AKR1C4: variants seen among roughly 807,000 people sequenced by gnomAD.
AKR1C4 encodes the protein 3-alpha-HSD1.
Under a neutral mutation model 41.0 loss-of-function variants are expected in AKR1C4, and 44 were observed. The observed-to-expected ratio is 1.07, with a 90% confidence interval of 0.84 to 1.38. AKR1C4 has a LOEUF of 1.38. Ranked by LOEUF, AKR1C4 falls within the 40% of genes most tolerant of loss-of-function variation. The pLI, the probability that AKR1C4 is intolerant of heterozygous loss-of-function variation, is 0.00. For missense variants in AKR1C4, 438 were observed against 387.9 expected (o/e 1.13, Z -1.09); for synonymous variants, 165 against 137.7 (o/e 1.20, Z -1.39).
intron 1 of AKR1C4, among the ~76,000 whole-genome samples, chr10:5,198,474 G>A (rs1588334536): frequency 1.3e-5 from 2 of 152,160 alleles, no homozygotes; most frequent in African/African-American, 4.8e-5. Flanking sequence ...CGGAAGTTTG[G>A]TGTGTGCTAT....
chr10:5,209,583 T>C (rs1285535444), intron 5 of AKR1C4, among the ~76,000 whole-genome samples: 1 of 152,164 alleles, frequency 6.6e-6, no homozygotes, highest in Admixed American at 6.5e-5. Flanking sequence ...GACTTATAGT[T>C]CCAATATGGC....
At chr10:5,199,748 G>A (rs1832367639) in intron 1 of AKR1C4, among the ~76,000 whole-genome samples, 1 of 152,110 alleles carries the variant, frequency 6.6e-6, no homozygotes, top group African/African-American at 2.4e-5. Flanking sequence ...TTCCCCCCAA[G>A]CTACCTCCAC....
chr10:5,209,735 C>G (rs1173055862), intron 5 of AKR1C4, among the ~76,000 whole-genome samples: 6 of 152,152 alleles, frequency 3.9e-5, no homozygotes, highest in Admixed American at 2.0e-4. Context: ...TTCACTATCT[C>G]AAGGACATCA....
rs550050236 is a variant in AKR1C4, at chr10:5,199,844, G to A, written c.85-337G>A. Among the ~76,000 whole-genome samples the A allele has an allele frequency of 7.2e-4, 109 of 152,322 alleles. 2 individuals carry two copies. The highest frequency in any genetic ancestry group is 2.5e-3 in the African/African-American group (105 of 41,576). ...AAAGCAAGAACTCAGGATACAGAAAGCCCTCTGTCCTTGCCATAAGGTAGA... is the reference window on the plus strand; with the variant it reads ...AAAGCAAGAACTCAGGATACAGAAAACCCTCTGTCCTTGCCATAAGGTAGA... On this transcript the variant is annotated intron_variant, in intron 1 of 8. Transcript: ENST00000263126.
chr10:5,205,674 T>C lies in AKR1C4; in HGVS notation c.370-83T>C, dbSNP rs1432734230. 6.6e-6 allele frequency: 8 copies of C among 1,219,644 alleles called. No individual in the cohort carries two copies. The African/African-American group carries it at 1.2e-4, about 19-fold the overall frequency. 75.6% of individuals were successfully genotyped at this position (1,219,644 alleles called of 1,614,324 possible). On this transcript the variant is annotated intron_variant, in intron 3 of 8. Transcript: ENST00000263126. ...ATTTCAGCACCTACCTCACGGTGGA[T>C]TATTATCCTAAAATGTACATGGGAG...
chr10:5,211,635 G>C (rs1832577398), intron 5 of AKR1C4, among the ~76,000 whole-genome samples: 1 of 152,142 alleles, frequency 6.6e-6, no homozygotes, highest in African/African-American at 2.4e-5. Context: ...ATACTTTTCT[G>C]TCTTCTCCTG....
intron 7 of AKR1C4, among the ~76,000 whole-genome samples, chr10:5,216,348 T>G (rs1287984700): frequency 2.0e-5 from 3 of 152,184 alleles, no homozygotes; most frequent in African/African-American, 7.2e-5. Flanking sequence ...AGGGGACAAA[T>G]ATCCAAATTG....
At chr10:5,207,011 C>A (rs1248549725) in intron 5 of AKR1C4, among the ~76,000 whole-genome samples, 1 of 152,110 alleles carries the variant, frequency 6.6e-6, no homozygotes, top group African/African-American at 2.4e-5. Context: ...CGTGCTACCC[C>A]CACCCCTGCC....
chr10:5,218,198 A>G (rs977359472), intron 8 of AKR1C4, among the ~76,000 whole-genome samples: 1 of 152,232 alleles, frequency 6.6e-6, no homozygotes, highest in South Asian at 2.1e-4. Context: ...ATGGAACCCC[A>G]TATCACATAT....
intron 5 of AKR1C4, among the ~76,000 whole-genome samples, chr10:5,208,741 ATC>A (rs1162565972): frequency 2.0e-5 from 3 of 151,436 alleles, no homozygotes; most frequent in East Asian, 1.9e-4. Context: ...TTATTGAAAG[ATC>A]TCTTATACCT....
At chr10:5,204,936 T>A (rs1345045350) in intron 3 of AKR1C4, among the ~76,000 whole-genome samples, 2 of 152,182 alleles carry the variant, frequency 1.3e-5, no homozygotes, top group Admixed American at 6.5e-5. Flanking sequence ...AAGGAAACCA[T>A]AATAGGACCT....
In AKR1C4 at chr10:5,204,323, A is replaced by G; in HGVS notation, c.253-54A>G. On this transcript the variant is annotated intron_variant, in intron 2 of 8. Transcript: ENST00000263126. ...GTCTAAATATTAGGTGAAGCAAACT[A>G]ATAAAACTAGCTCATGTTTTTATTC... 4.4e-6 allele frequency: 6 copies of G among 1,361,356 alleles called. No individual in the cohort carries two copies. In the South Asian group the frequency reaches 7.2e-5, roughly 16 times the overall value. The allele number at this position is 1,361,356 out of a possible 1,614,324, so 84.3% of individuals were successfully genotyped here. A position where few individuals can be genotyped will look rare whatever the true frequency, so the allele number is the denominator to read the frequency against.
At chr10:5,212,159 A>G (rs1832585389) in intron 5 of AKR1C4, among the ~76,000 whole-genome samples, 1 of 152,210 alleles carries the variant, frequency 6.6e-6, no homozygotes, top group Non-Finnish European at 1.5e-5. Context: ...CTATGAAGAC[A>G]TGGATTGTTT....
chr10:5,202,924 G>C (rs111679364), intron 2 of AKR1C4, among the ~76,000 whole-genome samples: 5,380 of 132,594 alleles, frequency 0.041, 327 homozygotes, highest in African/African-American at 0.15. Context: ...AGGGAGATTG[G>C]TCTATAGTTT....
chr10:5,212,758 G>T, intron 6 of AKR1C4, 33 bp downstream of exon 6: 2 of 1,596,574 alleles, frequency 1.3e-6, no homozygotes, highest in Non-Finnish European at 1.7e-6. Context: ...TACCTAAAAT[G>T]CCATTTTGAT....
At chr10:5,200,670 T>C (rs931267828) in intron 2 of AKR1C4, among the ~76,000 whole-genome samples, 3 of 152,198 alleles carry the variant, frequency 2.0e-5, no homozygotes, top group South Asian at 4.1e-4. Flanking sequence ...GAATCAATTC[T>C]ACACTGGTGA....
intron 5 of AKR1C4, among the ~76,000 whole-genome samples, chr10:5,210,285 C>G (rs1330487626): frequency 3.9e-5 from 6 of 152,246 alleles, no homozygotes; most frequent in Non-Finnish European, 5.9e-5. Flanking sequence ...GGCAGCTCCA[C>G]CACTGTGGCT....
Position 5,210,891 on chromosome 10 carries a change from T to C in AKR1C4, c.571-1725T>C, listed in dbSNP as rs529830000. On this transcript the variant is annotated intron_variant, in intron 5 of 8. Transcript: ENST00000263126. ...TCCCAAAGTGCTGGGATTACAGGCG[T>C]GAGCCACCACGACCAGCCCCATACC... is the stretch of plus-strand genomic sequence containing the variant. Among the ~76,000 whole-genome samples the C allele has an allele frequency of 2.6e-3, 396 of 152,330 alleles. 1 individual carries two copies. Among genetic ancestry groups the C allele is most frequent in the African/African-American group, 9.1e-3 (380 of 41,588 alleles).
intron 7 of AKR1C4, among the ~76,000 whole-genome samples, chr10:5,215,567 C>G (rs782250753): frequency 3.9e-5 from 6 of 152,178 alleles, no homozygotes. Context: ...GAAGCAGTCA[C>G]ACTATCTCTT....
Sources: allele counts gnomAD v4.1 joint callset (sites outside exome capture counted in the v4.1 genomes callset), GRCh38; gene constraint gnomAD v4.1.1; transcripts MANE v1.5; gene names NCBI Gene and HGNC (gene_info 2026-07-23, HGNC 2026-07-21).